Variants in PLEKHA7 observed in about 807,000 individuals in gnomAD.
PLEKHA7 encodes the protein pleckstrin homology domain containing A7, also known as pleckstrin homology domain-containing family A member 7.
PLEKHA7 carries 104 observed loss-of-function variants against 170.0 expected under a neutral mutation model. That is an observed-to-expected ratio of 0.61 (90% CI 0.52 to 0.72). The LOEUF is 0.72. Among genes scored for constraint, PLEKHA7 ranks in the 30% least tolerant of loss-of-function variants. The probability of loss-of-function intolerance (pLI) is 0.00; values close to 1 mark genes in which losing one functional copy is unlikely to be tolerated. For synonymous variants in PLEKHA7, 648 were observed against 660.8 expected, an observed-to-expected ratio of 0.98 and a Z score of 0.30; for missense variants, 1,615 against 1,671.7, an observed-to-expected ratio of 0.97 and a Z score of 0.59.
intron 3 of PLEKHA7, among the ~76,000 whole-genome samples, chr11:16,927,165 C>T (rs900495094): frequency 6.6e-6 from 1 of 152,038 alleles, no homozygotes; most frequent in Non-Finnish European, 1.5e-5. Flanking sequence ...GGTGACAAAG[C>T]GAGATCTTGT....
At chr11:16,918,190 G>A (rs1237371242) in intron 3 of PLEKHA7, among the ~76,000 whole-genome samples, 1 of 152,196 alleles carries the variant, frequency 6.6e-6, no homozygotes, top group East Asian at 1.9e-4. Flanking sequence ...ACAGAAGCAG[G>A]ATAAGGGTTC....
Position 16,793,692 on chromosome 11 carries a change from G to A in PLEKHA7, c.2745+796C>T, listed in dbSNP as rs556347815. 2.6e-5 allele frequency among the ~76,000 whole-genome samples: 4 copies of A among 152,332 alleles called. No individual in the cohort carries two copies. The South Asian group carries it at 8.3e-4, about 32-fold the overall frequency. On this transcript the variant is annotated intron_variant, in intron 19 of 26. Coordinates refer to ENST00000531066, the MANE Select transcript of PLEKHA7 (RefSeq NM_001329630.2). The stretch of plus-strand genomic sequence containing the variant: ...GGCTGGCCTGGCCCTGGAGGCGTGA[G>A]CTCTCTTGGGACCTGACCACATCTC...
rs768074776 is a variant in PLEKHA7, at chr11:16,791,008, C to T, written c.2934+3G>A. The stretch of plus-strand genomic sequence containing the variant: ...AGTGGCAGCCCCAGGGTCCCCCGCT[C>T]ACCCTGGAATCCCCATTCACACACT... On this transcript the variant is annotated splice_donor_region_variant and intron_variant, in intron 20 of 26. Coordinates refer to ENST00000531066, the MANE Select transcript of PLEKHA7 (RefSeq NM_001329630.2). This position sits in a 1 kb window ranked among gnomAD's most constrained non-coding sequence, Gnocchi z 4.5. The T allele has an allele frequency of 2.5e-6, 4 of 1,614,112 alleles. No individual in the cohort carries two copies. Among genetic ancestry groups the T allele is most frequent in the South Asian group, 1.1e-5 (1 of 91,082 alleles).
chr11:17,009,988 T>C (rs1377046047), intron 3 of PLEKHA7, among the ~76,000 whole-genome samples: 5 of 152,146 alleles, frequency 3.3e-5, no homozygotes, highest in Non-Finnish European at 5.9e-5. Context: ...GAACCAACAG[T>C]AGATTTCTTA....
At chr11:16,896,552 C>G (rs1472807573) in intron 3 of PLEKHA7, among the ~76,000 whole-genome samples, 4 of 152,196 alleles carry the variant, frequency 2.6e-5, no homozygotes, top group Admixed American at 2.0e-4. Flanking sequence ...CCCACAGCCA[C>G]TCAGTAGAAT....
chr11:16,947,686 C>T (rs570063537), intron 3 of PLEKHA7, among the ~76,000 whole-genome samples: 4 of 151,562 alleles, frequency 2.6e-5, no homozygotes, highest in Non-Finnish European at 4.4e-5. Flanking sequence ...GAGGCTGAGG[C>T]GGGTGGATTG....
At chr11:16,869,889 G>A (rs1854691211) in intron 4 of PLEKHA7, among the ~76,000 whole-genome samples, 1 of 152,070 alleles carries the variant, frequency 6.6e-6, no homozygotes, top group South Asian at 2.1e-4. Flanking sequence ...ACTAAACAGA[G>A]GAAAAATGAT....
chr11:16,834,367 A>C (rs1851349924), intron 9 of PLEKHA7, among the ~76,000 whole-genome samples: 1 of 152,232 alleles, frequency 6.6e-6, no homozygotes, highest in African/African-American at 2.4e-5. Context: ...CAAATGCACC[A>C]ATTCAAGTTG....
chr11:16,956,718 C>G (rs772684747), intron 3 of PLEKHA7, among the ~76,000 whole-genome samples: 3 of 152,198 alleles, frequency 2.0e-5, no homozygotes, highest in Non-Finnish European at 4.4e-5. Flanking sequence ...CCCTAATCCA[C>G]AATCTGTCTA....
At chr11:16,801,542 G>T in intron 16 of PLEKHA7, 126 bp downstream of exon 16, 1 of 1,213,302 alleles carries the variant, frequency 8.2e-7, no homozygotes. Flanking sequence ...TTCTGCTACT[G>T]GAGAAGCTCT....
chr11:16,878,681 C>T (rs1423624174), intron 3 of PLEKHA7, among the ~76,000 whole-genome samples: 3 of 152,164 alleles, frequency 2.0e-5, no homozygotes, highest in Non-Finnish European at 4.4e-5. Context: ...CTGCAACTTC[C>T]GCCTCCCAGG....
intron 3 of PLEKHA7, among the ~76,000 whole-genome samples, chr11:16,935,430 G>T (rs1456020584): frequency 6.6e-6 from 1 of 152,194 alleles, no homozygotes; most frequent in African/African-American, 2.4e-5. Context: ...TCAAAAAAAA[G>T]ATTAAATGTG....
At chr11:16,846,895 GA>G (rs1382510669) in intron 8 of PLEKHA7, among the ~76,000 whole-genome samples, 1 of 152,068 alleles carries the variant, frequency 6.6e-6, no homozygotes, top group Non-Finnish European at 1.5e-5. Context: ...TTTTCCCGGT[GA>G]AAGGTCTGGG....
chr11:16,850,683 A>T (rs1300638845), intron 8 of PLEKHA7, among the ~76,000 whole-genome samples: 2 of 152,230 alleles, frequency 1.3e-5, no homozygotes, highest in African/African-American at 4.8e-5. Context: ...TGGTAAAGGG[A>T]TCTGCCTGGA....
Position 16,790,102 on chromosome 11 carries a change from G to A in PLEKHA7, c.3053-224C>T, listed in dbSNP as rs1277194849. The A allele has an allele frequency of 5.4e-6, 3 of 556,664 alleles. No individual in the cohort carries two copies. The South Asian group carries it at 6.2e-5, about 12-fold the overall frequency. 34.5% of individuals were successfully genotyped at this position (556,664 alleles called of 1,614,324 possible). ...CCTGATGGGGGGCAGTGTCCCTGCAGATCTGTGGACCACCCCAGGCTTCCC... is the reference window on the plus strand; with the variant it reads ...CCTGATGGGGGGCAGTGTCCCTGCAAATCTGTGGACCACCCCAGGCTTCCC... On this transcript the variant is annotated intron_variant, in intron 21 of 26. Transcript: ENST00000531066.
intron 3 of PLEKHA7, among the ~76,000 whole-genome samples, chr11:16,935,670 C>G (rs77817515): frequency 0.017 from 2,597 of 152,312 alleles, 87 homozygotes; most frequent in African/African-American, 0.06. Context: ...GTGACATTTG[C>G]AAACACCACC....
chr11:16,840,825 C>A (rs1317812300), intron 9 of PLEKHA7, among the ~76,000 whole-genome samples: 1 of 152,166 alleles, frequency 6.6e-6, no homozygotes, highest in Non-Finnish European at 1.5e-5. Context: ...CCGAAAACCA[C>A]ATATATGTGA....
At chr11:16,831,937 C>T (rs1190521370) in intron 9 of PLEKHA7, among the ~76,000 whole-genome samples, 1 of 152,184 alleles carries the variant, frequency 6.6e-6, no homozygotes, top group Non-Finnish European at 1.5e-5. Flanking sequence ...ACTTACATTT[C>T]CCAATCTCCC....
At chr11:16,950,727 A>G (rs1861355485) in intron 3 of PLEKHA7, among the ~76,000 whole-genome samples, 1 of 152,168 alleles carries the variant, frequency 6.6e-6, no homozygotes, top group African/African-American at 2.4e-5. Context: ...CTCCAAGCCA[A>G]TGCACATAGG....
Sources: allele counts gnomAD v4.1 joint callset (sites outside exome capture counted in the v4.1 genomes callset), GRCh38; gene constraint gnomAD v4.1.1; non-coding constraint Gnocchi (gnomAD v3.1); transcripts MANE v1.5; gene names NCBI Gene and HGNC (gene_info 2026-07-23, HGNC 2026-07-21).